Variants in ZNF277 observed in about 807,000 individuals in gnomAD.
ZNF277 encodes the protein nuclear receptor-interacting factor 4.
Under a neutral mutation model 60.7 loss-of-function variants are expected in ZNF277, and 55 were observed. The ratio of observed to expected loss-of-function variants is 0.91; its 90% CI spans 0.73 to 1.13. The LOEUF (loss-of-function observed/expected upper bound fraction) is 1.13. ZNF277 is among the 50% of genes most tolerant of loss of function. ZNF277 has a pLI of 0.00. For missense variants in ZNF277, 510 were observed against 523.0 expected (o/e 0.98, Z 0.24); for synonymous variants, 178 against 179.3 (o/e 0.99, Z 0.06).
At chr7:112,269,790 G>A (rs1017445611) in intron 1 of ZNF277, among the ~76,000 whole-genome samples, 2 of 151,984 alleles carry the variant, frequency 1.3e-5, no homozygotes, top group African/African-American at 4.8e-5. Flanking sequence ...TTTATCAAGG[G>A]TTTATCAAAA....
intron 7 of ZNF277, among the ~76,000 whole-genome samples, chr7:112,334,817 G>A (rs1793299237): frequency 1.3e-5 from 2 of 151,790 alleles, no homozygotes; most frequent in African/African-American, 2.4e-5. Flanking sequence ...GAAAAACCAA[G>A]TAAGGCATGA....
intron 1 of ZNF277, among the ~76,000 whole-genome samples, chr7:112,256,790 T>C (rs1351015477): frequency 4.6e-5 from 7 of 152,130 alleles, no homozygotes; most frequent in African/African-American, 1.7e-4. Flanking sequence ...AATGTTTTTG[T>C]GCATGCTTGA....
At chr7:112,296,011 A>G in intron 3 of ZNF277, 54 bp downstream of exon 3, 1 of 1,333,380 alleles carries the variant, frequency 7.5e-7, no homozygotes, top group Non-Finnish European at 1.1e-6. Context: ...AATTCAAAGG[A>G]ATAATCTTAC....
chr7:112,218,336 G>C (rs1821940377), intron 1 of ZNF277, among the ~76,000 whole-genome samples: 1 of 152,008 alleles, frequency 6.6e-6, no homozygotes, highest in South Asian at 2.1e-4. Context: ...GTTGTTTTTT[G>C]TTTCGTATTT....
At chr7:112,310,596 T>A (rs1004410960) in intron 4 of ZNF277, among the ~76,000 whole-genome samples, 1 of 152,102 alleles carries the variant, frequency 6.6e-6, no homozygotes, top group East Asian at 1.9e-4. Context: ...CTTGAAACAT[T>A]TATTAGAACA....
chr7:112,265,840 G>A (rs1791538085), intron 1 of ZNF277, among the ~76,000 whole-genome samples: 1 of 152,164 alleles, frequency 6.6e-6, no homozygotes, highest in African/African-American at 2.4e-5. Flanking sequence ...ATAATTTAGT[G>A]AGAGTTTTAA....
chr7:112,280,213 A>G (rs973883197), intron 1 of ZNF277, among the ~76,000 whole-genome samples: 4 of 152,054 alleles, frequency 2.6e-5, no homozygotes, highest in Non-Finnish European at 5.9e-5. Flanking sequence ...TTCCATGGCC[A>G]TTACACCTAC....
chr7:112,296,401 T>C (rs751731128), intron 4 of ZNF277, 90 bp downstream of exon 4: 4 of 648,306 alleles, frequency 6.2e-6, no homozygotes, highest in Non-Finnish European at 7.3e-6. Context: ...TTTTACTTTT[T>C]GTTATGGAAA....
intron 1 of ZNF277, among the ~76,000 whole-genome samples, chr7:112,246,943 C>A (rs1791099539): frequency 6.6e-6 from 1 of 152,204 alleles, no homozygotes; most frequent in South Asian, 2.1e-4. Context: ...AGACTGCAGT[C>A]ATGCCCTGCT....
chr7:112,298,718 C>A (rs1214284044), intron 4 of ZNF277, among the ~76,000 whole-genome samples: 1 of 152,146 alleles, frequency 6.6e-6, no homozygotes, highest in Non-Finnish European at 1.5e-5. Context: ...ATAAGCCATG[C>A]CTTGTATTTG....
chr7:112,271,487 A>G (rs1279006179), intron 1 of ZNF277, among the ~76,000 whole-genome samples: 1 of 152,212 alleles, frequency 6.6e-6, no homozygotes, highest in Non-Finnish European at 1.5e-5. Context: ...TTGGAGAATT[A>G]TATTTTTTAA....
chr7:112,341,410 A>G (rs1395751925), intron 11 of ZNF277, among the ~76,000 whole-genome samples: 1 of 152,192 alleles, frequency 6.6e-6, no homozygotes, highest in Non-Finnish European at 1.5e-5. Flanking sequence ...TATCCATTGT[A>G]TGGATATAAT....
intron 1 of ZNF277, among the ~76,000 whole-genome samples, chr7:112,270,760 C>T (rs908888627): frequency 6.6e-6 from 1 of 151,984 alleles, no homozygotes; most frequent in Admixed American, 6.5e-5. Context: ...CATTTTTTAA[C>T]TCTTACTCTA....
intron 4 of ZNF277, among the ~76,000 whole-genome samples, chr7:112,314,128 T>C (rs1370733454): frequency 2.0e-5 from 3 of 152,238 alleles, no homozygotes; most frequent in Admixed American, 6.5e-5. Flanking sequence ...GTCACTTTAA[T>C]GATTTGTAGA....
chr7:112,333,987 A>G (rs1196501558), intron 7 of ZNF277, among the ~76,000 whole-genome samples: 6 of 152,096 alleles, frequency 3.9e-5, no homozygotes, highest in African/African-American at 1.4e-4. Flanking sequence ...TTCTAAAGGG[A>G]ATTGGTTTTG....
chr7:112,208,674 A>ATTT (rs869082099), intron 1 of ZNF277, among the ~76,000 whole-genome samples: 2,031 of 72,764 alleles, frequency 0.028, 57 homozygotes, highest in Non-Finnish European at 0.034. Context: ...GTATGATTTG[A>ATTT]TTTTTTTTTT....
chr7:112,314,743 C>A (rs1451009625), intron 4 of ZNF277, among the ~76,000 whole-genome samples: 1 of 152,072 alleles, frequency 6.6e-6, no homozygotes, highest in African/African-American at 2.4e-5. Context: ...CTGCAGTGAT[C>A]CGTGATCATG....
chr7:112,226,618 A>G (rs1822182815), intron 1 of ZNF277, among the ~76,000 whole-genome samples: 1 of 152,188 alleles, frequency 6.6e-6, no homozygotes, highest in South Asian at 2.1e-4. Context: ...TGTGCTTCTT[A>G]TTAAGTCAGG....
intron 10 of ZNF277, among the ~76,000 whole-genome samples, chr7:112,340,369 A>C (rs538066071): frequency 6.6e-5 from 10 of 152,332 alleles, no homozygotes; most frequent in South Asian, 6.2e-4. Context: ...TATCACAACA[A>C]TAGAACGATT....
Sources: gnomAD v4.1 joint callset for allele counts (sites outside exome capture counted in the v4.1 genomes callset) on GRCh38, gnomAD v4.1.1 for gene constraint, MANE v1.5 for transcripts, NCBI Gene and HGNC (gene_info 2026-07-23, HGNC 2026-07-21) for gene names.